COL24A1: variants seen among roughly 807,000 people sequenced by gnomAD.
COL24A1 encodes the protein collagen type XXIV alpha 1 chain.
COL24A1 carries 224 observed loss-of-function variants against 253.9 expected under a neutral mutation model. That is an observed-to-expected ratio of 0.88 (90% confidence interval 0.79 to 0.99). The LOEUF is 0.99. COL24A1 is among the 50% of genes least tolerant of loss of function. The pLI, the probability that COL24A1 is intolerant of heterozygous loss-of-function variation, is 0.00. For synonymous variants in COL24A1, 685 were observed against 673.7 expected, an observed-to-expected ratio of 1.02 and a Z score of -0.26; for missense variants, 2,131 against 2,068.5, an observed-to-expected ratio of 1.03 and a Z score of -0.59.
At chr1:86,073,776 T>C (rs1305976577) in intron 7 of COL24A1, among the ~76,000 whole-genome samples, 1 of 152,140 alleles carries the variant, frequency 6.6e-6, no homozygotes, top group Admixed American at 6.5e-5. Flanking sequence ...GATCTCTCAG[T>C]GGAAACCCTA....
chr1:85,871,808 C>T (rs2102555643), intron 35 of COL24A1, among the ~76,000 whole-genome samples: 2 of 152,312 alleles, frequency 1.3e-5, no homozygotes, highest in Middle Eastern at 6.8e-3. Context: ...TGCCCTCTCT[C>T]ACCACTCCTG....
intron 28 of COL24A1, among the ~76,000 whole-genome samples, chr1:85,902,176 A>C (rs1487563448): frequency 6.6e-6 from 1 of 152,194 alleles, no homozygotes; most frequent in African/African-American, 2.4e-5. Flanking sequence ...AAAACACTGG[A>C]GAAATTGTAG....
intron 24 of COL24A1, among the ~76,000 whole-genome samples, chr1:85,960,096 T>C (rs1690866598): frequency 6.6e-6 from 1 of 152,200 alleles, no homozygotes; most frequent in Non-Finnish European, 1.5e-5. Context: ...ACAGATACTC[T>C]TCCTATTTTT....
At chr1:85,849,441 T>C (rs773749149) in intron 37 of COL24A1, 35 bp from the exon 38 acceptor site, 8 of 1,513,474 alleles carry the variant, frequency 5.3e-6, no homozygotes, top group Middle Eastern at 1.7e-4. Context: ...AAATAAATGG[T>C]TAAAGAAAAG....
intron 19 of COL24A1, among the ~76,000 whole-genome samples, chr1:86,003,847 A>C (rs536229440): frequency 6.6e-5 from 10 of 152,150 alleles, no homozygotes; most frequent in Non-Finnish European, 1.2e-4. Flanking sequence ...TTAGGCAAAG[A>C]GTATAAAGAG....
At chr1:85,754,811 C>G (rs951225084) in intron 55 of COL24A1, among the ~76,000 whole-genome samples, 4 of 151,672 alleles carry the variant, frequency 2.6e-5, no homozygotes, top group African/African-American at 9.7e-5. Context: ...GAAAAGTGAA[C>G]AGAGACTTAA....
At chr1:85,871,725 C>A (rs1228401092) in intron 35 of COL24A1, among the ~76,000 whole-genome samples, 1 of 152,058 alleles carries the variant, frequency 6.6e-6, no homozygotes, top group Non-Finnish European at 1.5e-5. Flanking sequence ...TTATGACAAA[C>A]CCACAGCCAA....
At chr1:85,893,299 A>T (rs1304019275) in intron 31 of COL24A1, among the ~76,000 whole-genome samples, 1 of 73,602 alleles carries the variant, frequency 1.4e-5, no homozygotes, top group Admixed American at 2.0e-4. Context: ...ATTTTTTAAC[A>T]AAAAAAGGAT....
chr1:85,933,795 A>G (rs187283774), intron 24 of COL24A1, among the ~76,000 whole-genome samples: 64 of 152,340 alleles, frequency 4.2e-4, no homozygotes, highest in African/African-American at 1.3e-3. Context: ...ATAGCTCTTT[A>G]AAATAGAGAC....
intron 31 of COL24A1, among the ~76,000 whole-genome samples, chr1:85,893,317 T>C (rs1413215218): frequency 6.6e-6 from 1 of 151,864 alleles, no homozygotes; most frequent in African/African-American, 2.4e-5. Context: ...GATCAATTGA[T>C]CAGGAAGACA....
chr1:85,885,397 A>ATATATATATATATAT (rs60994639), intron 32 of COL24A1, among the ~76,000 whole-genome samples: 2 of 128,902 alleles, frequency 1.6e-5, no homozygotes, highest in African/African-American at 5.8e-5. Context: ...ATATATATAT[A>ATATATATATATATAT]TTTTTTTTTT....
At chr1:86,003,611 A>G (rs535637) in intron 19 of COL24A1, among the ~76,000 whole-genome samples, 108,132 of 152,056 alleles carry the variant, frequency 0.71, 39,766 homozygotes, top group African/African-American at 0.88. Flanking sequence ...ACACTTATGC[A>G]TACTCTGAAT....
chr1:85,865,436 A>G (rs750330563), intron 37 of COL24A1, among the ~76,000 whole-genome samples: 3 of 152,146 alleles, frequency 2.0e-5, no homozygotes, highest in Non-Finnish European at 2.9e-5. Flanking sequence ...TGGTGTTACT[A>G]AAAAAAGGCA....
intron 28 of COL24A1, among the ~76,000 whole-genome samples, chr1:85,899,140 C>T (rs888116775): frequency 2.2e-4 from 34 of 152,176 alleles, no homozygotes; most frequent in African/African-American, 6.5e-4. Context: ...TTAGCCGTCT[C>T]TATTGATTCT....
rs182390734 is a variant in COL24A1 at position 85,745,704 on chromosome 1, A to G, written c.4438-198T>C. ...AAAGGACAATATGCCACCTTCATCCAAATCTCAAACGTCTCCTAATTAAAA... is the reference window on the plus strand; with the variant it reads ...AAAGGACAATATGCCACCTTCATCCGAATCTCAAACGTCTCCTAATTAAAA... On this transcript the variant is annotated intron_variant, in intron 55 of 59. Coordinates refer to ENST00000370571, the MANE Select transcript of COL24A1 (RefSeq NM_152890.7). Among the ~76,000 whole-genome samples the G allele has an allele frequency of 2.0e-5, 3 of 152,308 alleles. No homozygotes were observed. The East Asian group carries it at 5.8e-4, about 29-fold the overall frequency.
chr1:86,100,166 C>T (rs988183306), intron 5 of COL24A1, among the ~76,000 whole-genome samples: 2 of 152,106 alleles, frequency 1.3e-5, no homozygotes, highest in Non-Finnish European at 2.9e-5. Flanking sequence ...GCTCCTACTA[C>T]CTCTCTGATC....
At chr1:85,771,459 C>T (rs145361402) in intron 53 of COL24A1, among the ~76,000 whole-genome samples, 3,107 of 152,156 alleles carry the variant, frequency 0.02, 108 homozygotes, top group African/African-American at 0.07. Context: ...GCATAGTATT[C>T]GATGGTGTAT....
At chr1:85,806,818 CT>C (rs1181475397) in intron 47 of COL24A1, among the ~76,000 whole-genome samples, 2 of 152,196 alleles carry the variant, frequency 1.3e-5, no homozygotes, top group Non-Finnish European at 2.9e-5. Context: ...CAGCAGGCTC[CT>C]TTACTCTAGC....
At chr1:86,102,810 A>G (rs753745850) in intron 5 of COL24A1, among the ~76,000 whole-genome samples, 1 of 152,158 alleles carries the variant, frequency 6.6e-6, no homozygotes, top group Non-Finnish European at 1.5e-5. Flanking sequence ...TGTGTGGTCA[A>G]TGTTAGAGTA....
Sources: allele counts gnomAD v4.1 joint callset (sites outside exome capture counted in the v4.1 genomes callset), GRCh38; gene constraint gnomAD v4.1.1; transcripts MANE v1.5; gene names NCBI Gene and HGNC (gene_info 2026-07-23, HGNC 2026-07-21).